ZHX2: variants seen among roughly 807,000 people sequenced by gnomAD.
The protein encoded by ZHX2 is zinc fingers and homeoboxes protein 2.
In ZHX2, 6 loss-of-function variants were observed where a neutral mutation model predicts 21.9. That is an observed-to-expected ratio of 0.27 (90% CI 0.15 to 0.54). The LOEUF (loss-of-function observed/expected upper bound fraction) is 0.54, where lower values mean the gene tolerates loss of function less well. Ranked by LOEUF, ZHX2 falls within the 20% of genes least tolerant of loss-of-function variation. The probability of loss-of-function intolerance (pLI) is 0.95; values close to 1 mark genes in which losing one functional copy is unlikely to be tolerated. For missense variants in ZHX2, 908 were observed against 1,090.7 expected (o/e 0.83, Z 2.36); for synonymous variants, 434 against 437.1 (o/e 0.99, Z 0.09).
At chr8:122,819,269 C>T (rs1184571650) in intron 1 of ZHX2, among the ~76,000 whole-genome samples, 1 of 152,214 alleles carries the variant, frequency 6.6e-6, no homozygotes, top group Admixed American at 6.5e-5. Flanking sequence ...GGCTGCCTGA[C>T]CACTCTGCAC....
At chr8:122,804,992 G>A (rs1029971823) in intron 1 of ZHX2, among the ~76,000 whole-genome samples, 1 of 152,236 alleles carries the variant, frequency 6.6e-6, no homozygotes, top group African/African-American at 2.4e-5. Flanking sequence ...GACTCAGTGT[G>A]TGTTCCTGCC....
intron 2 of ZHX2, among the ~76,000 whole-genome samples, chr8:122,876,410 A>C (rs1178155632): frequency 6.6e-6 from 1 of 152,212 alleles, no homozygotes; most frequent in Non-Finnish European, 1.5e-5. Context: ...CCTTAATATT[A>C]AATGAAAATT....
chr8:122,970,646 G>A (rs1446981147), intron 3 of ZHX2, among the ~76,000 whole-genome samples: 8 of 152,176 alleles, frequency 5.3e-5, no homozygotes, highest in Non-Finnish European at 1.2e-4. Flanking sequence ...CTGTCTTCCC[G>A]CCTTGGGCCT....
rs1234096872 is a variant in ZHX2 at position 122,782,496 on chromosome 8, T to A, written c.-283+550T>A. On this transcript the variant is annotated intron_variant, in intron 1 of 3. Transcript: ENST00000314393. This position sits in a 1 kb window ranked among gnomAD's most constrained non-coding sequence, Gnocchi z 5.3. The stretch of plus-strand genomic sequence containing the variant: ...TTTGGCAGGCGGGGGGCTGCGTGTG[T>A]CTGCTCCCCTCCCTCCCCCTCTCCC... Among the ~76,000 whole-genome samples, 1 of 151,956 alleles carries A rather than the reference T, an allele frequency of 6.6e-6. No individual in the cohort carries two copies. The highest frequency in any genetic ancestry group is 2.4e-5 in the African/African-American group (1 of 41,368).
At chr8:122,932,850 C>G (rs910435286) in intron 2 of ZHX2, among the ~76,000 whole-genome samples, 3 of 151,994 alleles carry the variant, frequency 2.0e-5, no homozygotes, top group African/African-American at 7.2e-5. Flanking sequence ...GCCTACCACA[C>G]CCTGGGTCCT....
At chr8:122,908,143 G>A (rs1158237846) in intron 2 of ZHX2, among the ~76,000 whole-genome samples, 1 of 152,172 alleles carries the variant, frequency 6.6e-6, no homozygotes, top group Admixed American at 6.5e-5. Context: ...AGGCTGTTGT[G>A]AGCACAAATG....
chr8:122,970,563 C>A (rs1813695328), intron 3 of ZHX2, among the ~76,000 whole-genome samples: 1 of 152,222 alleles, frequency 6.6e-6, no homozygotes, highest in Admixed American at 6.5e-5. Context: ...CTCCACAGCT[C>A]TTTCCACCCC....
chr8:122,967,967 G>T (rs1320376808), intron 3 of ZHX2, among the ~76,000 whole-genome samples: 1 of 152,086 alleles, frequency 6.6e-6, no homozygotes, highest in Non-Finnish European at 1.5e-5. Flanking sequence ...TGGGGGCAGG[G>T]TTAGGCGAGT....
At chr8:122,875,356 C>T (rs1044200339) in intron 2 of ZHX2, among the ~76,000 whole-genome samples, 3 of 151,612 alleles carry the variant, frequency 2.0e-5, no homozygotes, top group African/African-American at 7.3e-5. Flanking sequence ...AATATGCAAC[C>T]GAGGTTGCAT....
At chr8:122,970,708 T>A (rs544184692) in intron 3 of ZHX2, among the ~76,000 whole-genome samples, 1 of 152,244 alleles carries the variant, frequency 6.6e-6, no homozygotes, top group African/African-American at 2.4e-5. Context: ...AGTGGCAGCC[T>A]CCCTCCCAAA....
At chr8:122,907,990 TATAATG>T (rs1274918192) in intron 2 of ZHX2, among the ~76,000 whole-genome samples, 1 of 152,162 alleles carries the variant, frequency 6.6e-6, no homozygotes, top group Non-Finnish European at 1.5e-5. Context: ...GATAACATAA[TATAATG>T]AGAGGGTAAC....
At chr8:122,969,823 G>A (rs866386505) in intron 3 of ZHX2, among the ~76,000 whole-genome samples, 1 of 152,188 alleles carries the variant, frequency 6.6e-6, no homozygotes, top group South Asian at 2.1e-4. Flanking sequence ...AGTCCCTAGG[G>A]CCCTAGAGAA....
intron 2 of ZHX2, among the ~76,000 whole-genome samples, chr8:122,915,139 T>C (rs1272375429): frequency 6.6e-6 from 1 of 152,144 alleles, no homozygotes; most frequent in East Asian, 1.9e-4. Context: ...ATCCCTGAGC[T>C]TTACAGGTAA....
intron 1 of ZHX2, among the ~76,000 whole-genome samples, chr8:122,785,267 C>T (rs1817372589): frequency 6.6e-6 from 1 of 152,214 alleles, no homozygotes; most frequent in African/African-American, 2.4e-5. Flanking sequence ...CTACCAGTGA[C>T]TTAACCAGAT....
chr8:122,942,274 C>T (rs537672281), intron 2 of ZHX2, among the ~76,000 whole-genome samples: 112 of 151,794 alleles, frequency 7.4e-4, no homozygotes, highest in Non-Finnish European at 1.4e-3. Flanking sequence ...CTCCCACCCC[C>T]TCAAAAAAGA....
At chr8:122,927,514 C>G (rs184291663) in intron 2 of ZHX2, among the ~76,000 whole-genome samples, 25 of 152,164 alleles carry the variant, frequency 1.6e-4, no homozygotes, top group African/African-American at 6.0e-4. Flanking sequence ...ATACCCAAAA[C>G]TGGGTAATTT....
In ZHX2 at chr8:122,951,309, G is replaced by T; in HGVS notation, c.-202G>T. ...GTCCACAGATATGATGCTTCCTGGT[G>T]TGTTTAGTGGTTGGTGCCATTCCAA... is the stretch of plus-strand genomic sequence containing the variant. On this transcript the variant is annotated 5_prime_UTR_variant, in exon 3 of 4. Transcript: ENST00000314393. 1 of 577,020 alleles carries T rather than the reference G, an allele frequency of 1.7e-6. No individual in the cohort carries two copies. Among genetic ancestry groups the T allele is most frequent in the South Asian group, 2.1e-5 (1 of 47,630 alleles). The allele number at this position is 577,020 out of a possible 1,614,324, so 35.7% of individuals were successfully genotyped here. A position where few individuals can be genotyped will look rare whatever the true frequency, so the allele number is the denominator to read the frequency against.
chr8:122,902,595 G>A (rs1404296667), intron 2 of ZHX2, among the ~76,000 whole-genome samples: 4 of 152,152 alleles, frequency 2.6e-5, no homozygotes, highest in Non-Finnish European at 5.9e-5. Flanking sequence ...CAGGAGACTT[G>A]GGTTCAAATC....
In ZHX2 at chr8:122,953,840, G is replaced by T. The variant is rs150252730; in HGVS notation, c.2330G>T (p.Arg777Leu). Residue 777 changes from arginine to leucine, a missense_variant, in exon 3 of 4, where the codon CGG (arginine) becomes CTG (leucine). Arg to Leu is a moderately radical substitution (Grantham distance 102). Transcript: ENST00000314393. The surrounding 1 kb of genome is among the most constrained non-coding windows in gnomAD (Gnocchi z 4.6). ...ATSDRSEGSS[R>L]DGQGSDENEE... ...TCAGACCGGTCAGAGGGCAGCAGCC[G>T]GGACGGCCAGGGTAGCGACGAGAAC... 6.2e-7 allele frequency: 1 copy of T among 1,614,092 alleles called. No homozygotes were observed. Among genetic ancestry groups the T allele is most frequent in the Non-Finnish European group, 8.5e-7 (1 of 1,180,030 alleles).
Sources: allele counts gnomAD v4.1 joint callset (sites outside exome capture counted in the v4.1 genomes callset), GRCh38; gene constraint gnomAD v4.1.1; non-coding constraint Gnocchi (gnomAD v3.1); transcripts MANE v1.5; gene names NCBI Gene and HGNC (gene_info 2026-07-23, HGNC 2026-07-21).